Variants in CTNNA3 observed in about 807,000 individuals in gnomAD.
CTNNA3 encodes catenin alpha 3.
A neutral mutation model predicts 95.7 loss-of-function variants in CTNNA3; 76 were observed. The observed-to-expected ratio is 0.79, with a 90% confidence interval of 0.66 to 0.96. CTNNA3 has a LOEUF of 0.96. CTNNA3 is among the 40% of genes least tolerant of loss of function. The pLI is 0.00. For synonymous variants in CTNNA3, 431 were observed against 374.4 expected (o/e 1.15, Z -1.74); for missense variants, 1,191 against 1,089.8 (o/e 1.09, Z -1.31).
At chr10:66,476,311 T>C (rs1839325730) in intron 11 of CTNNA3, among the ~76,000 whole-genome samples, 1 of 152,116 alleles carries the variant, frequency 6.6e-6, no homozygotes, top group African/African-American at 2.4e-5. Context: ...CAAACCACCA[T>C]GGCACATGTT....
chr10:66,929,864 ATATT>A (rs1847274293), intron 7 of CTNNA3, among the ~76,000 whole-genome samples: 1 of 152,198 alleles, frequency 6.6e-6, no homozygotes, highest in Admixed American at 6.5e-5. Flanking sequence ...TTAGAAAGAT[ATATT>A]TAGTCTGTAT....
At chr10:66,251,091 C>T (rs2090533379) in intron 13 of CTNNA3, among the ~76,000 whole-genome samples, 1 of 152,158 alleles carries the variant, frequency 6.6e-6, no homozygotes, top group South Asian at 2.1e-4. Flanking sequence ...TGGAACTAAA[C>T]ACAGTGATCC....
At chr10:66,278,481 G>T (rs1244594748) in intron 13 of CTNNA3, among the ~76,000 whole-genome samples, 1 of 151,952 alleles carries the variant, frequency 6.6e-6, no homozygotes, top group Non-Finnish European at 1.5e-5. Context: ...ATGACTATGG[G>T]AGAAAATTAC....
chr10:66,831,097 T>C (rs1299269766), intron 7 of CTNNA3, among the ~76,000 whole-genome samples: 2 of 152,222 alleles, frequency 1.3e-5, no homozygotes, highest in African/African-American at 4.8e-5. Flanking sequence ...ATCCAATGCA[T>C]CACCATCATC....
chr10:66,572,631 A>C (rs1290044959), intron 10 of CTNNA3, among the ~76,000 whole-genome samples: 1 of 152,104 alleles, frequency 6.6e-6, no homozygotes, highest in Non-Finnish European at 1.5e-5. Context: ...CTAAGTTTGA[A>C]TTTTAACTGG....
intron 7 of CTNNA3, among the ~76,000 whole-genome samples, chr10:66,920,575 TG>T (rs1443049162): frequency 6.6e-6 from 1 of 152,230 alleles, no homozygotes; most frequent in Non-Finnish European, 1.5e-5. Flanking sequence ...CATAACTTTC[TG>T]TTCAAAAACT....
chr10:67,016,966 C>T (rs1403921950), intron 7 of CTNNA3, among the ~76,000 whole-genome samples: 1 of 152,136 alleles, frequency 6.6e-6, no homozygotes. Flanking sequence ...AATTAGTTCA[C>T]ATAAATTGTA....
chr10:66,004,854 G>A (rs751830243), intron 15 of CTNNA3, among the ~76,000 whole-genome samples: 1 of 152,118 alleles, frequency 6.6e-6, no homozygotes, highest in Non-Finnish European at 1.5e-5. Context: ...TTTTCTTCAT[G>A]CAATTCTTGC....
At chr10:66,824,227 A>T (rs1325537594) in intron 7 of CTNNA3, among the ~76,000 whole-genome samples, 6 of 152,128 alleles carry the variant, frequency 3.9e-5, no homozygotes, top group African/African-American at 1.4e-4. Context: ...GTCGGCTAAG[A>T]CTGTACTTTG....
chr10:67,606,738 A>G, intron 3 of CTNNA3, 119 bp downstream of exon 3: 1 of 757,608 alleles, frequency 1.3e-6, no homozygotes, highest in Non-Finnish European at 2.1e-6. Context: ...AGCTCCTCAC[A>G]GCTCTGCAAA....
chr10:66,014,703 GA>G (rs2079061845), intron 15 of CTNNA3, among the ~76,000 whole-genome samples: 2 of 151,706 alleles, frequency 1.3e-5, no homozygotes, highest in African/African-American at 4.8e-5. Context: ...TTACAACTAA[GA>G]AAAAAAAGTT....
At chr10:67,280,818 C>A (rs763016422) in intron 5 of CTNNA3, among the ~76,000 whole-genome samples, 1 of 152,138 alleles carries the variant, frequency 6.6e-6, no homozygotes, top group Non-Finnish European at 1.5e-5. Flanking sequence ...TTTCCCTCCC[C>A]CAATGAAGAG....
chr10:67,083,092 T>A (rs1190602341), intron 7 of CTNNA3, among the ~76,000 whole-genome samples: 2 of 152,058 alleles, frequency 1.3e-5, no homozygotes, highest in Non-Finnish European at 2.9e-5. Flanking sequence ...CCAGTGAGCA[T>A]CCTGGTATAA....
At chr10:67,034,304 T>G (rs1853910872) in intron 7 of CTNNA3, among the ~76,000 whole-genome samples, 2 of 152,202 alleles carry the variant, frequency 1.3e-5, no homozygotes, top group Admixed American at 6.5e-5. Context: ...ATTTATTCAG[T>G]CATTCAACAA....
At chr10:66,426,161 T>C (rs905254851) in intron 11 of CTNNA3, among the ~76,000 whole-genome samples, 6 of 152,094 alleles carry the variant, frequency 3.9e-5, no homozygotes, top group African/African-American at 4.8e-5. Flanking sequence ...AGAGCTATTA[T>C]GGTCATTTCC....
At chr10:66,425,506 G>C (rs867440564) in intron 11 of CTNNA3, among the ~76,000 whole-genome samples, 4 of 151,966 alleles carry the variant, frequency 2.6e-5, no homozygotes, top group Non-Finnish European at 4.4e-5. Flanking sequence ...TTCTGACAGA[G>C]ATTAAATTTT....
intron 12 of CTNNA3, among the ~76,000 whole-genome samples, chr10:66,373,709 C>T (rs1245800757): frequency 2.6e-5 from 4 of 152,176 alleles, no homozygotes; most frequent in African/African-American, 9.7e-5. Context: ...AACAATGGCT[C>T]CCAAATGTGA....
chr10:67,655,047 A>T (rs1345091965), intron 1 of CTNNA3, among the ~76,000 whole-genome samples: 1 of 152,238 alleles, frequency 6.6e-6, no homozygotes, highest in African/African-American at 2.4e-5. Flanking sequence ...CTTATTTATT[A>T]TCGACCTTCT....
chr10:66,604,339 C>G (rs1014569541), intron 10 of CTNNA3, among the ~76,000 whole-genome samples: 1 of 152,182 alleles, frequency 6.6e-6, no homozygotes, highest in Non-Finnish European at 1.5e-5. Context: ...CATTCGCCAG[C>G]AGGGGCCCCC....
Sources: allele counts gnomAD v4.1 joint callset (sites outside exome capture counted in the v4.1 genomes callset), GRCh38; gene constraint gnomAD v4.1.1; transcripts MANE v1.5; gene names NCBI Gene and HGNC (gene_info 2026-07-23, HGNC 2026-07-21).